Variants in STARD6 observed in about 807,000 individuals in gnomAD.
The protein encoded by STARD6 is stAR-related lipid transfer protein 6.
A neutral mutation model predicts 22.3 loss-of-function variants in STARD6; 21 were observed. The ratio of observed to expected loss-of-function variants is 0.94; its 90% confidence interval spans 0.67 to 1.35. STARD6 has a LOEUF of 1.35. STARD6 is among the 40% of genes most tolerant of loss of function. The probability of loss-of-function intolerance (pLI) is 0.00; values close to 1 mark genes in which losing one functional copy is unlikely to be tolerated. For missense variants in STARD6, 269 were observed against 266.9 expected, an observed-to-expected ratio of 1.01 and a Z score of -0.05; for synonymous variants, 80 against 88.1, an observed-to-expected ratio of 0.91 and a Z score of 0.52.
At chr18:54,346,622 G>A (rs1392546487) in intron 4 of STARD6, among the ~76,000 whole-genome samples, 2 of 151,916 alleles carry the variant, frequency 1.3e-5, no homozygotes, top group East Asian at 3.8e-4. Flanking sequence ...TTTCATAACA[G>A]CATTATTTAT....
intron 4 of STARD6, among the ~76,000 whole-genome samples, chr18:54,351,590 G>C (rs892706292): frequency 6.6e-6 from 1 of 152,158 alleles, no homozygotes; most frequent in African/African-American, 2.4e-5. Flanking sequence ...GTTTGTTATA[G>C]ATGGCTTTTA....
intron 4 of STARD6, among the ~76,000 whole-genome samples, chr18:54,350,373 T>C (rs964629016): frequency 8.9e-4 from 135 of 152,186 alleles, no homozygotes; most frequent in African/African-American, 3.2e-3. Flanking sequence ...TTATAGATTC[T>C]GGGTATTAGT....
intron 4 of STARD6, among the ~76,000 whole-genome samples, chr18:54,350,143 T>G (rs2089081958): frequency 6.6e-6 from 1 of 152,132 alleles, no homozygotes; most frequent in African/African-American, 2.4e-5. Context: ...CATGCCAAAA[T>G]GTATTATTTT....
At chr18:54,349,167 T>C (rs2089068189) in intron 4 of STARD6, among the ~76,000 whole-genome samples, 1 of 152,140 alleles carries the variant, frequency 6.6e-6, no homozygotes, top group Non-Finnish European at 1.5e-5. Flanking sequence ...TGAAGTGCTA[T>C]GAAGAAGATA....
At chr18:54,345,358 AT>A (rs1417126049) in intron 4 of STARD6, among the ~76,000 whole-genome samples, 2 of 152,144 alleles carry the variant, frequency 1.3e-5, no homozygotes, top group Admixed American at 6.5e-5. Context: ...ATAAAAAAAA[AT>A]AGAACACGTT....
intron 5 of STARD6, among the ~76,000 whole-genome samples, chr18:54,335,385 G>A (rs1039134891): frequency 1.3e-5 from 2 of 151,734 alleles, no homozygotes; most frequent in Non-Finnish European, 1.5e-5. Flanking sequence ...TAGTAGAATC[G>A]CGGTCACCAT....
intron 4 of STARD6, among the ~76,000 whole-genome samples, chr18:54,347,615 T>C (rs114911924): frequency 1.9e-3 from 291 of 152,220 alleles, no homozygotes; most frequent in African/African-American, 6.7e-3. Flanking sequence ...CAAATTATTA[T>C]ATTAATAATA....
At chr18:54,345,446 G>A (rs554974202) in intron 4 of STARD6, among the ~76,000 whole-genome samples, 44 of 152,252 alleles carry the variant, frequency 2.9e-4, no homozygotes, top group African/African-American at 9.9e-4. Context: ...GACATCCTAT[G>A]TTCATGTACT....
chr18:54,347,514 G>A (rs1413105373), intron 4 of STARD6, among the ~76,000 whole-genome samples: 2 of 152,004 alleles, frequency 1.3e-5, no homozygotes, highest in African/African-American at 2.4e-5. Context: ...TTTAAAAATA[G>A]TACTACAATA....
intron 4 of STARD6, among the ~76,000 whole-genome samples, chr18:54,338,509 A>G (rs985564277): frequency 6.6e-6 from 1 of 152,220 alleles, no homozygotes; most frequent in African/African-American, 2.4e-5. Flanking sequence ...TAGACTTCAC[A>G]GAATTAGTCC....
At chr18:54,330,600 G>T (rs1395375576) in intron 6 of STARD6, among the ~76,000 whole-genome samples, 1 of 151,722 alleles carries the variant, frequency 6.6e-6, no homozygotes, top group Non-Finnish European at 1.5e-5. Context: ...TGCAGGGCAG[G>T]ATAAAAAAAA....
intron 5 of STARD6, 91 bp from the exon 6 acceptor site, chr18:54,331,950 G>A: frequency 1.2e-6 from 1 of 824,234 alleles, no homozygotes; most frequent in Non-Finnish European, 1.9e-6. Flanking sequence ...CATATGATTG[G>A]CCTCTATTTG....
At chr18:54,327,285 G>A (rs1317901292) in intron 7 of STARD6, among the ~76,000 whole-genome samples, 2 of 151,952 alleles carry the variant, frequency 1.3e-5, no homozygotes, top group African/African-American at 4.8e-5. Context: ...TAATCCAGAA[G>A]GCATATATAT....
At chr18:54,350,136 G>A (rs2089081904) in intron 4 of STARD6, among the ~76,000 whole-genome samples, 1 of 152,002 alleles carries the variant, frequency 6.6e-6, no homozygotes, top group Admixed American at 6.6e-5. Context: ...CCACATCCAT[G>A]CCAAAATGTA....
In STARD6 at chr18:54,351,049, T is replaced by C. The variant is rs1218517338; in HGVS notation, c.140+3005A>G. On this transcript the variant is annotated intron_variant, in intron 4 of 7. Coordinates refer to ENST00000307844, the MANE Select transcript of STARD6 (RefSeq NM_139171.2). ...TGATGGGAGTTTGATGGGAATTGCA[T>C]TGAATCTGTAGATTGTTTTGGCAGT... Among the ~76,000 whole-genome samples the C allele has an allele frequency of 2.0e-5, 3 of 152,184 alleles. No homozygotes were observed. In the East Asian group the frequency reaches 5.8e-4, roughly 29 times the overall value.
At chr18:54,354,152 A>G (rs756505865) in intron 3 of STARD6, 49 bp from the exon 4 acceptor site, 1 of 1,175,286 alleles carries the variant, frequency 8.5e-7, no homozygotes, top group East Asian at 2.4e-5. Flanking sequence ...AAATGCAGGA[A>G]AAATGAAAAT....
At chr18:54,326,189 T>C (rs2088823095) in intron 7 of STARD6, among the ~76,000 whole-genome samples, 2 of 152,138 alleles carry the variant, frequency 1.3e-5, no homozygotes, top group African/African-American at 2.4e-5. Context: ...GTGCTTTACC[T>C]TGGTATATAA....
chr18:54,331,939 G>T (rs371455101), intron 5 of STARD6, 80 bp from the exon 6 acceptor site: 20 of 939,496 alleles, frequency 2.1e-5, no homozygotes, highest in East Asian at 1.0e-4. Context: ...AAATTTTATT[G>T]CATATGATTG....
chr18:54,352,658 A>G (rs78072362), intron 4 of STARD6, among the ~76,000 whole-genome samples: 8 of 152,350 alleles, frequency 5.3e-5, no homozygotes, highest in African/African-American at 1.7e-4. Context: ...CAGTGCATAT[A>G]AATTTCACTC....
Sources: allele counts gnomAD v4.1 joint callset (sites outside exome capture counted in the v4.1 genomes callset), GRCh38; gene constraint gnomAD v4.1.1; transcripts MANE v1.5; gene names NCBI Gene and HGNC (gene_info 2026-07-23, HGNC 2026-07-21).